The following RNF220 variants were observed in gnomAD, a reference collection of about 807,000 sequenced individuals.
RNF220 encodes ring finger protein 220.
A neutral mutation model predicts 67.1 loss-of-function variants in RNF220; 7 were observed. The ratio of observed to expected loss-of-function variants is 0.10; its 90% confidence interval spans 0.06 to 0.20. The LOEUF (loss-of-function observed/expected upper bound fraction) is 0.20. RNF220 is among the 10% of genes least tolerant of loss of function. The pLI, the probability that RNF220 is intolerant of heterozygous loss-of-function variation, is 1.00. For synonymous variants in RNF220, 270 were observed against 283.2 expected, an observed-to-expected ratio of 0.95 and a Z score of 0.47; for missense variants, 565 against 740.3, an observed-to-expected ratio of 0.76 and a Z score of 2.75.
At chr1:44,482,587 T>C (rs1157446740) in intron 2 of RNF220, among the ~76,000 whole-genome samples, 1 of 152,188 alleles carries the variant, frequency 6.6e-6, no homozygotes, top group Non-Finnish European at 1.5e-5. Flanking sequence ...AATAGGATTC[T>C]TCACATTTAT....
chr1:44,584,032 A>C (rs270708), intron 2 of RNF220, among the ~76,000 whole-genome samples: 70,950 of 152,118 alleles, frequency 0.47, 16,597 homozygotes, highest in Middle Eastern at 0.59. Flanking sequence ...CACAGCTACA[A>C]CATGAGGTAC....
At chr1:44,498,143 G>A (rs1260660972) in intron 2 of RNF220, among the ~76,000 whole-genome samples, 4 of 152,186 alleles carry the variant, frequency 2.6e-5, no homozygotes, top group East Asian at 1.9e-4. Context: ...GGTGAGTGGC[G>A]AAGGTCCCTA....
chr1:44,410,143 T>TG lies in RNF220; in HGVS notation c.-117-1830dup, dbSNP rs201005451. 5.7e-3 allele frequency among the ~76,000 whole-genome samples: 864 copies of TG among 150,812 alleles called. 4 individuals are homozygous for TG. The highest frequency in any genetic ancestry group is 0.018 in the African/African-American group (740 of 41,240). ...GGAAGTAAAAATAGCAAGTGAATCCTGGGGGGGGTCGTATTTTGAGGGGGA... is the reference window on the plus strand; with the variant it reads ...GGAAGTAAAAATAGCAAGTGAATCCTGGGGGGGGGTCGTATTTTGAGGGGGA... On this transcript the variant is annotated intron_variant, in intron 1 of 14. Coordinates refer to ENST00000361799, the MANE Select transcript of RNF220 (RefSeq NM_018150.4).
intron 2 of RNF220, among the ~76,000 whole-genome samples, chr1:44,483,401 A>T (rs991526172): frequency 6.6e-6 from 1 of 152,220 alleles, no homozygotes; most frequent in Admixed American, 6.5e-5. Context: ...GGCTCACAGC[A>T]CTATTTTAGA....
chr1:44,457,770 G>T (rs1201356652), intron 2 of RNF220, among the ~76,000 whole-genome samples: 2 of 152,098 alleles, frequency 1.3e-5, no homozygotes, highest in African/African-American at 4.8e-5. Context: ...GTCAGTTAAA[G>T]TGGTACATCA....
chr1:44,499,690 A>G (rs545494788), intron 2 of RNF220, among the ~76,000 whole-genome samples: 4 of 152,028 alleles, frequency 2.6e-5, no homozygotes, highest in Non-Finnish European at 5.9e-5. Context: ...GTGACTCCCA[A>G]ATTTATATCT....
intron 2 of RNF220, among the ~76,000 whole-genome samples, chr1:44,502,052 AACACACACACACACACACACACACACAC>A (rs56978327): frequency 3.3e-5 from 4 of 121,772 alleles, no homozygotes; most frequent in Admixed American, 1.7e-4. Context: ...ACACCACTGA[AACACACACACACACACACACACACACAC>A]ACACACACAC....
At chr1:44,450,806 T>A (rs1232054702) in intron 2 of RNF220, among the ~76,000 whole-genome samples, 1 of 152,184 alleles carries the variant, frequency 6.6e-6, no homozygotes, top group Non-Finnish European at 1.5e-5. Flanking sequence ...TATAGACACA[T>A]CTAGTTATTT....
At chr1:44,424,111 T>G in intron 2 of RNF220, 3 of 716,024 alleles carry the variant, frequency 4.2e-6, no homozygotes, top group Non-Finnish European at 5.1e-6. Flanking sequence ...GAGATGATAC[T>G]TCCTCTTCTT....
At chr1:44,480,299 C>T (rs976591087) in intron 2 of RNF220, among the ~76,000 whole-genome samples, 1 of 151,928 alleles carries the variant, frequency 6.6e-6, no homozygotes, top group South Asian at 2.1e-4. Flanking sequence ...CCCAGCTACT[C>T]AGGGGGCTGA....
chr1:44,449,659 T>G (rs1652466409), intron 2 of RNF220, among the ~76,000 whole-genome samples: 1 of 152,128 alleles, frequency 6.6e-6, no homozygotes, highest in East Asian at 1.9e-4. Flanking sequence ...TGTGATCCGC[T>G]CCCCTAGGCC....
At chr1:44,554,273 A>T (rs1391274678) in intron 2 of RNF220, among the ~76,000 whole-genome samples, 1 of 152,104 alleles carries the variant, frequency 6.6e-6, no homozygotes, top group Non-Finnish European at 1.5e-5. Context: ...GCCATTAAAG[A>T]GGCAAAGCCC....
At chr1:44,517,460 C>T (rs1023975786) in intron 2 of RNF220, among the ~76,000 whole-genome samples, 1 of 152,090 alleles carries the variant, frequency 6.6e-6, no homozygotes, top group Non-Finnish European at 1.5e-5. Context: ...CTGTTTTTTT[C>T]TTTCTTTCTT....
At chr1:44,591,672 A>G (rs1666124172) in intron 2 of RNF220, among the ~76,000 whole-genome samples, 1 of 152,178 alleles carries the variant, frequency 6.6e-6, no homozygotes, top group African/African-American at 2.4e-5. Flanking sequence ...GGGGGCAACA[A>G]CATGGTCTAT....
At chr1:44,616,843 C>T (rs1643571957) in intron 3 of RNF220, among the ~76,000 whole-genome samples, 1 of 152,158 alleles carries the variant, frequency 6.6e-6, no homozygotes. Context: ...CTGTCTGCCT[C>T]CTCGGTGAGG....
At chr1:44,613,713 C>CA (rs1557438374) in intron 2 of RNF220, among the ~76,000 whole-genome samples, 1 of 152,160 alleles carries the variant, frequency 6.6e-6, no homozygotes, top group Non-Finnish European at 1.5e-5. Flanking sequence ...CCCATCTCTA[C>CA]AAAAAATACA....
intron 2 of RNF220, among the ~76,000 whole-genome samples, chr1:44,569,457 T>C (rs1379606522): frequency 1.3e-5 from 2 of 152,246 alleles, no homozygotes; most frequent in African/African-American, 2.4e-5. Context: ...GACTTCTTCA[T>C]GAAATTATGG....
chr1:44,547,066 TGCCTGGCACATTAG>T (rs1470256918), intron 2 of RNF220, among the ~76,000 whole-genome samples: 1 of 152,280 alleles, frequency 6.6e-6, no homozygotes, highest in East Asian at 1.9e-4. Context: ...TCCTCCAGGG[TGCCTGGCACATTAG>T]GCCCTGGGAA....
intron 2 of RNF220, among the ~76,000 whole-genome samples, chr1:44,580,053 AAAAAG>A (rs1665142241): frequency 6.8e-6 from 1 of 146,028 alleles, no homozygotes; most frequent in Admixed American, 7.0e-5. Flanking sequence ...AAAAAAAAAA[AAAAAG>A]AAAGAAAAGA....
Sources: allele counts gnomAD v4.1 joint callset (sites outside exome capture counted in the v4.1 genomes callset), GRCh38; gene constraint gnomAD v4.1.1; transcripts MANE v1.5; gene names NCBI Gene and HGNC (gene_info 2026-07-23, HGNC 2026-07-21).